Variants in DCT observed in about 807,000 individuals in gnomAD.
The protein encoded by DCT is dopachrome tautomerase, also known as L-dopachrome tautomerase.
In DCT, 47 loss-of-function variants were observed where a neutral mutation model predicts 53.0. The ratio of observed to expected loss-of-function variants is 0.89; its 90% confidence interval spans 0.70 to 1.13. The LOEUF is 1.13. DCT is among the 50% of genes most tolerant of loss of function. DCT has a pLI of 0.00. For synonymous variants in DCT, 244 were observed against 237.0 expected, an observed-to-expected ratio of 1.03 and a Z score of -0.27; for missense variants, 669 against 637.4, an observed-to-expected ratio of 1.05 and a Z score of -0.53.
At chr13:94,472,558 ATATATATATATTTTTTTTTTTTTTTTTT>A (rs1566855369) in intron 1 of DCT, among the ~76,000 whole-genome samples, 1,192 of 24,324 alleles carry the variant, frequency 0.049, 30 homozygotes, top group Non-Finnish European at 0.066. Flanking sequence ...ATATATATAT[ATATATATATATTTTTTTTTTTTTTTTTT>A]TTTTTTTTTT....
intron 6 of DCT, among the ~76,000 whole-genome samples, chr13:94,454,198 G>A (rs542404055): frequency 5.3e-5 from 8 of 152,110 alleles, no homozygotes; most frequent in East Asian, 1.9e-4. Flanking sequence ...GAATGTCAAC[G>A]TACAAGGTAG....
chr13:94,452,511 A>G lies in DCT; in HGVS notation c.1179+7580T>C. Reference sequence around the variant, plus strand: ...TGACACACAGGTATTAGGAGGGAATATTGTCCAAACTTCTAGAGGCAATTC... The same window carrying G: ...TGACACACAGGTATTAGGAGGGAATGTTGTCCAAACTTCTAGAGGCAATTC... On this transcript the variant is annotated intron_variant, in intron 6 of 7. Coordinates refer to ENST00000377028, the MANE Select transcript of DCT (RefSeq NM_001922.5). 2 of 665,702 alleles carry G rather than the reference A, an allele frequency of 3.0e-6. 1 individual carries two copies. The highest frequency in any genetic ancestry group is 3.6e-5 in the South Asian group (2 of 56,134). 41.2% of individuals were successfully genotyped at this position (665,702 alleles called of 1,614,324 possible). A position where few individuals can be genotyped will look rare whatever the true frequency, so the allele number is the denominator to read the frequency against.
the DCT span, among the ~76,000 whole-genome samples, chr13:94,492,708 T>C: frequency 6.6e-6 from 1 of 152,330 alleles, no homozygotes; most frequent in South Asian, 2.1e-4. Context: ...ACATTGATTT[T>C]AGAAAAACTG....
intron 1 of DCT, 128 bp from the exon 2 acceptor site, chr13:94,469,173 A>G (rs972060988): frequency 2.7e-6 from 2 of 749,482 alleles, no homozygotes; most frequent in African/African-American, 3.5e-5. Flanking sequence ...AAAGAAAGTC[A>G]ATTTTCCTCC....
At chr13:94,538,445 C>T in the DCT span, among the ~76,000 whole-genome samples, 4 of 152,172 alleles carry the variant, frequency 2.6e-5, no homozygotes, top group South Asian at 4.2e-4. Flanking sequence ...CACCCCTCCC[C>T]GCCAAGCCAT....
At position 94,439,980 on chromosome 13, in the gene DCT, A is replaced by G; in HGVS notation, c.1478T>C (p.Leu493Pro). Residue 493 changes from leucine to proline, a missense_variant, in exon 8 of 8, where the codon CTT (leucine) becomes CCT (proline). Physicochemically the swap from Leu to Pro is moderately conservative, Grantham distance 98 (BLOSUM62 -3). Coordinates refer to ENST00000377028, the MANE Select transcript of DCT (RefSeq NM_001922.5). ...LVGLFVLLAFLQYRRLRKGYT... is the reference protein window; with the variant it reads ...LVGLFVLLAFPQYRRLRKGYT... Reference sequence around the variant, plus strand: ...TCCTTTTCGAAGTCTTCTATATTGAAGAAAAGCCAACAGCACAAAAAGACC... The same window carrying G: ...TCCTTTTCGAAGTCTTCTATATTGAGGAAAAGCCAACAGCACAAAAAGACC... The G allele has an allele frequency of 6.2e-7, 1 of 1,614,072 alleles. No homozygotes were observed. The highest frequency in any genetic ancestry group is 8.5e-7 in the Non-Finnish European group (1 of 1,179,914).
At chr13:94,521,394 G>C in the DCT span, among the ~76,000 whole-genome samples, 4 of 152,234 alleles carry the variant, frequency 2.6e-5, no homozygotes, top group Admixed American at 2.0e-4. Context: ...TTAGTGGCCG[G>C]GCACGGTGGC....
the DCT span, among the ~76,000 whole-genome samples, chr13:94,515,152 T>C: frequency 6.6e-6 from 1 of 152,206 alleles, no homozygotes; most frequent in African/African-American, 2.4e-5. Context: ...TGTTGGTGTC[T>C]TGATCTTGGA....
intron 6 of DCT, among the ~76,000 whole-genome samples, chr13:94,448,192 C>T (rs1401889203): frequency 6.6e-6 from 1 of 152,150 alleles, no homozygotes; most frequent in Non-Finnish European, 1.5e-5. Context: ...CTGCAGTGAG[C>T]TATGATTGTG....
At chr13:94,452,328 T>C (rs1883148477) in intron 6 of DCT, among the ~76,000 whole-genome samples, 1 of 152,182 alleles carries the variant, frequency 6.6e-6, no homozygotes, top group South Asian at 2.1e-4. Flanking sequence ...CCACTGCATC[T>C]GGCCTAGACT....
intron 1 of DCT, among the ~76,000 whole-genome samples, 164 bp from the exon 2 acceptor site, chr13:94,469,209 T>A (rs146623382): frequency 6.6e-6 from 1 of 152,274 alleles, no homozygotes; most frequent in African/African-American, 2.4e-5. Flanking sequence ...AATGTTTATA[T>A]CTCCAAGTGG....
chr13:94,536,183 G>A, the DCT span, among the ~76,000 whole-genome samples: 21 of 152,296 alleles, frequency 1.4e-4, no homozygotes, highest in East Asian at 9.6e-4. Flanking sequence ...GCCAATGGTC[G>A]ATACAGTTTA....
intron 6 of DCT, among the ~76,000 whole-genome samples, chr13:94,448,298 A>G (rs1284955716): frequency 1.3e-5 from 2 of 152,218 alleles, no homozygotes; most frequent in East Asian, 1.9e-4. Context: ...TATACAGAGT[A>G]CCCAAATTAT....
At chr13:94,486,020 T>G in the DCT span, among the ~76,000 whole-genome samples, 1 of 152,164 alleles carries the variant, frequency 6.6e-6, no homozygotes, top group African/African-American at 2.4e-5. Context: ...GTATGTAATG[T>G]TTCTAGTTAT....
chr13:94,494,234 C>T, the DCT span, among the ~76,000 whole-genome samples: 1 of 152,122 alleles, frequency 6.6e-6, no homozygotes, highest in Admixed American at 6.5e-5. Flanking sequence ...GCCTTCTGTG[C>T]TTGGCCTCCC....
chr13:94,500,678 T>G, the DCT span, among the ~76,000 whole-genome samples: 1 of 414 alleles, frequency 2.4e-3, no homozygotes, highest in Non-Finnish European at 4.8e-3. Flanking sequence ...TGACAGAATC[T>G]CCTTGCTTTT....
At position 94,438,444 on chromosome 13, in the gene DCT, T is replaced by C. The variant is rs1882048412; in HGVS notation, c.*1454A>G. Reference sequence around the variant, plus strand: ...CTCTGGCTTTAGCAGTCCTTTTGCATGGGGTAAACTGGTTCTTGATGAGTC... The same window carrying C: ...CTCTGGCTTTAGCAGTCCTTTTGCACGGGGTAAACTGGTTCTTGATGAGTC... On this transcript the variant is annotated 3_prime_UTR_variant, in exon 8 of 8. Transcript: ENST00000377028. 3.4e-6 allele frequency: 1 copy of C among 297,706 alleles called. No homozygotes were observed. Among genetic ancestry groups the C allele is most frequent in the Non-Finnish European group, 6.7e-6 (1 of 150,204 alleles). 18.4% of individuals were successfully genotyped at this position (297,706 alleles called of 1,614,324 possible). A position where few individuals can be genotyped will look rare whatever the true frequency, so the allele number is the denominator to read the frequency against.
In DCT at chr13:94,465,729, A is replaced by C; in HGVS notation, c.767T>G (p.Val256Gly). The change falls in exon 4 of 8, where the codon GTG (valine) becomes GGG (glycine). Residue 256 changes from valine to glycine, a missense_variant. Physicochemically the swap from Val to Gly is moderately radical, Grantham distance 109 (BLOSUM62 -3). Coordinates refer to ENST00000377028, the MANE Select transcript of DCT (RefSeq NM_001922.5). ...NFATGRNECDVCTDQLFGAAR... is the reference protein window; with the variant it reads ...NFATGRNECDGCTDQLFGAAR... ...TGCCCCAAACAGCTGGTCTGTACAC[A>C]CATCACACTCGTTCCTCCCAGTGGC... is the stretch of plus-strand genomic sequence containing the variant. 1 of 1,613,050 alleles carries C rather than the reference A, an allele frequency of 6.2e-7. No individual in the cohort carries two copies.
In DCT at chr13:94,439,778, TAGA is replaced by T. The variant is rs1882145640; in HGVS notation, c.*117_*119del. The stretch of plus-strand genomic sequence containing the variant: ...CTTCTGAATGAGATCATCATCACTA[TAGA>T]AGAACCTATGTCAAAGATCTTCAAC... On this transcript the variant is annotated 3_prime_UTR_variant, in exon 8 of 8. Transcript: ENST00000377028. 1.3e-6 allele frequency: 1 copy of T among 750,178 alleles called. No individual in the cohort carries two copies. The highest frequency in any genetic ancestry group is 2.2e-5 in the South Asian group (1 of 45,762). 46.5% of individuals were successfully genotyped at this position (750,178 alleles called of 1,614,324 possible).
Sources: allele counts gnomAD v4.1 joint callset (sites outside exome capture counted in the v4.1 genomes callset), GRCh38; gene constraint gnomAD v4.1.1; transcripts MANE v1.5; gene names NCBI Gene and HGNC (gene_info 2026-07-23, HGNC 2026-07-21).